Variants in IGF2BP3 observed in about 807,000 individuals in gnomAD.
IGF2BP3 encodes the protein insulin-like growth factor 2 mRNA-binding protein 3.
Under a neutral mutation model 73.8 loss-of-function variants are expected in IGF2BP3, and 9 were observed. The observed-to-expected ratio is 0.12, with a 90% CI of 0.07 to 0.21. IGF2BP3 has a LOEUF of 0.21. Ranked by LOEUF, IGF2BP3 falls within the 10% of genes least tolerant of loss-of-function variation. The probability of loss-of-function intolerance (pLI) is 1.00; values close to 1 mark genes in which losing one functional copy is unlikely to be tolerated. For synonymous variants in IGF2BP3, 258 were observed against 256.7 expected, an observed-to-expected ratio of 1.01 and a Z score of -0.05; for missense variants, 542 against 714.0, an observed-to-expected ratio of 0.76 and a Z score of 2.75.
chr7:23,425,118 A>G (rs1237212675), intron 2 of IGF2BP3, among the ~76,000 whole-genome samples: 2 of 152,244 alleles, frequency 1.3e-5, no homozygotes, highest in Non-Finnish European at 2.9e-5. Flanking sequence ...CTAAGTGTTT[A>G]TTTCCAATTG....
intron 3 of IGF2BP3, among the ~76,000 whole-genome samples, chr7:23,381,707 T>C (rs1785914064): frequency 6.6e-6 from 1 of 152,032 alleles, no homozygotes; most frequent in South Asian, 2.1e-4. Flanking sequence ...TAGCTGGAAT[T>C]ACAGGCACGT....
At chr7:23,443,964 G>A (rs1309594613) in intron 2 of IGF2BP3, among the ~76,000 whole-genome samples, 2 of 152,130 alleles carry the variant, frequency 1.3e-5, no homozygotes, top group Admixed American at 6.5e-5. Context: ...AGCTGAGATC[G>A]CGCCACTGCA....
At chr7:23,467,260 T>G (rs776919210) in intron 2 of IGF2BP3, among the ~76,000 whole-genome samples, 1 of 152,190 alleles carries the variant, frequency 6.6e-6, no homozygotes, top group Non-Finnish European at 1.5e-5. Flanking sequence ...AGAGCTGAAA[T>G]CTACACAGGC....
At chr7:23,352,331 C>T (rs981147663) in intron 5 of IGF2BP3, among the ~76,000 whole-genome samples, 1 of 136,988 alleles carries the variant, frequency 7.3e-6, no homozygotes, top group Non-Finnish European at 1.5e-5. Context: ...CTCTGTTACC[C>T]AGGCTGGAGC....
chr7:23,367,455 A>G (rs755979775), intron 3 of IGF2BP3, among the ~76,000 whole-genome samples: 1 of 151,972 alleles, frequency 6.6e-6, no homozygotes, highest in Admixed American at 6.6e-5. Flanking sequence ...CCAAAAAAAA[A>G]ACCACGAAAA....
At chr7:23,419,832 G>A (rs528864203) in intron 2 of IGF2BP3, among the ~76,000 whole-genome samples, 97 of 152,202 alleles carry the variant, frequency 6.4e-4, no homozygotes, top group African/African-American at 2.2e-3. Context: ...CAGCCTGGGC[G>A]ACAGAGCGAG....
chr7:23,313,124 A>G (rs913345856), intron 13 of IGF2BP3, among the ~76,000 whole-genome samples: 1 of 152,252 alleles, frequency 6.6e-6, no homozygotes, highest in Non-Finnish European at 1.5e-5. Context: ...TCAAAATTAT[A>G]AATAGCTTTG....
At chr7:23,339,556 C>A (rs758030742) in intron 10 of IGF2BP3, among the ~76,000 whole-genome samples, 1 of 152,128 alleles carries the variant, frequency 6.6e-6, no homozygotes, top group South Asian at 2.1e-4. Context: ...AGACTGATGT[C>A]CAAGAATGTT....
At chr7:23,411,603 C>T (rs1787023407) in intron 3 of IGF2BP3, among the ~76,000 whole-genome samples, 2 of 152,302 alleles carry the variant, frequency 1.3e-5, no homozygotes, top group South Asian at 2.1e-4. Flanking sequence ...AAATAAAATG[C>T]TTCTCAAATT....
At chr7:23,343,884 G>C (rs775458483) in intron 8 of IGF2BP3, 31 bp from the exon 9 acceptor site, 1 of 1,600,178 alleles carries the variant, frequency 6.2e-7, no homozygotes, top group East Asian at 2.2e-5. Flanking sequence ...GAAAGAAAAA[G>C]AATGAAAATT....
intron 2 of IGF2BP3, among the ~76,000 whole-genome samples, chr7:23,426,660 C>T (rs1787520131): frequency 6.6e-6 from 1 of 152,134 alleles, no homozygotes; most frequent in Non-Finnish European, 1.5e-5. Flanking sequence ...TAATACATTC[C>T]TCTGTTCCCT....
chr7:23,346,917 T>C (rs1042649080), intron 7 of IGF2BP3, among the ~76,000 whole-genome samples: 10 of 152,206 alleles, frequency 6.6e-5, no homozygotes, highest in Non-Finnish European at 1.5e-4. Context: ...AAAATAATTC[T>C]TCTTTAAAAT....
intron 3 of IGF2BP3, among the ~76,000 whole-genome samples, chr7:23,369,135 G>A (rs113172031): frequency 2.0e-3 from 304 of 152,204 alleles, no homozygotes; most frequent in Non-Finnish European, 3.5e-3. Context: ...GTGACAAAAT[G>A]GTGATTTGTT....
intron 3 of IGF2BP3, among the ~76,000 whole-genome samples, chr7:23,371,093 A>G (rs192281661): frequency 1.3e-5 from 2 of 152,326 alleles, no homozygotes; most frequent in South Asian, 2.1e-4. Context: ...GTGAGATTAA[A>G]GTATTAATAA....
At chr7:23,465,777 C>T (rs1374759184) in intron 2 of IGF2BP3, among the ~76,000 whole-genome samples, 2 of 152,200 alleles carry the variant, frequency 1.3e-5, no homozygotes, top group Non-Finnish European at 2.9e-5. Context: ...AAGAACTCCA[C>T]CCTAAAGTCC....
Position 23,359,932 on chromosome 7 carries a change from G to A in IGF2BP3, c.401+1602C>T, listed in dbSNP as rs561270120. Among the ~76,000 whole-genome samples, 19 of 151,696 alleles carry A rather than the reference G, an allele frequency of 1.3e-4. No individual in the cohort carries two copies. The South Asian group carries it at 2.1e-3, about 17-fold the overall frequency. ...TCATACCACAATTTCTATAATGTCC[G>A]AGACCTTATATAAATTGCCAAAAAA... On this transcript the variant is annotated intron_variant, in intron 5 of 14. Coordinates refer to ENST00000258729, the MANE Select transcript of IGF2BP3 (RefSeq NM_006547.3).
chr7:23,383,828 G>A (rs1278363477), intron 3 of IGF2BP3, among the ~76,000 whole-genome samples: 2 of 152,106 alleles, frequency 1.3e-5, no homozygotes, highest in Non-Finnish European at 2.9e-5. Flanking sequence ...CGGGCGCGGT[G>A]GCTCACACCT....
intron 5 of IGF2BP3, among the ~76,000 whole-genome samples, chr7:23,360,392 A>C (rs1785196117): frequency 6.6e-6 from 1 of 152,214 alleles, no homozygotes; most frequent in Non-Finnish European, 1.5e-5. Context: ...CAAAACATTC[A>C]AATGTTATGG....
Position 23,356,416 on chromosome 7 carries a change from G to A in IGF2BP3, c.402-4830C>T, listed in dbSNP as rs1785098290. Among the ~76,000 whole-genome samples, 5 of 152,232 alleles carry A rather than the reference G, an allele frequency of 3.3e-5. No individual in the cohort carries two copies. In the South Asian group the frequency reaches 1.0e-3, roughly 32 times the overall value. On this transcript the variant is annotated intron_variant, in intron 5 of 14. Transcript: ENST00000258729. ...CTACAAAAAAAAAAAAATTAGCTGG[G>A]TGTAGTGGCACATGCCTGTAGTCCC... is the stretch of plus-strand genomic sequence containing the variant.
Sources: allele counts gnomAD v4.1 joint callset (sites outside exome capture counted in the v4.1 genomes callset), GRCh38; gene constraint gnomAD v4.1.1; transcripts MANE v1.5; gene names NCBI Gene and HGNC (gene_info 2026-07-23, HGNC 2026-07-21).